Variants in SLC39A11 observed in about 807,000 individuals in gnomAD.
SLC39A11 encodes the protein zinc transporter ZIP11.
Under a neutral mutation model 36.1 loss-of-function variants are expected in SLC39A11, and 33 were observed. That is an observed-to-expected ratio of 0.91 (90% CI 0.69 to 1.22). SLC39A11 has a LOEUF of 1.22. Among genes scored for constraint, SLC39A11 ranks in the 50% most tolerant of loss-of-function variants. The pLI, the probability that SLC39A11 is intolerant of heterozygous loss-of-function variation, is 0.00. For synonymous variants in SLC39A11, 166 were observed against 170.3 expected (o/e 0.97, Z 0.20); for missense variants, 432 against 430.3 (o/e 1.00, Z -0.03).
intron 4 of SLC39A11, among the ~76,000 whole-genome samples, chr17:73,018,438 C>T (rs1242095529): frequency 6.6e-6 from 1 of 152,028 alleles, no homozygotes; most frequent in East Asian, 1.9e-4. Context: ...ATCTCAGCTA[C>T]TCAGAAAGCT....
chr17:72,798,104 A>T (rs925360962), intron 6 of SLC39A11, among the ~76,000 whole-genome samples: 1 of 152,096 alleles, frequency 6.6e-6, no homozygotes, highest in Non-Finnish European at 1.5e-5. Flanking sequence ...GTGTATCACT[A>T]GGAGAAGTAG....
chr17:72,978,701 G>A (rs1437351430), intron 4 of SLC39A11, among the ~76,000 whole-genome samples: 2 of 152,172 alleles, frequency 1.3e-5, no homozygotes, highest in Non-Finnish European at 1.5e-5. Flanking sequence ...GCCAGGTTCT[G>A]GGACAGAGAC....
At chr17:73,011,908 C>A (rs1432562338) in intron 4 of SLC39A11, among the ~76,000 whole-genome samples, 1 of 150,966 alleles carries the variant, frequency 6.6e-6, no homozygotes, top group Non-Finnish European at 1.5e-5. Flanking sequence ...GTGATCCACA[C>A]GCCTCGGCCT....
chr17:72,745,675 T>C (rs1287294314), intron 6 of SLC39A11, among the ~76,000 whole-genome samples: 3 of 152,218 alleles, frequency 2.0e-5, no homozygotes, highest in Non-Finnish European at 4.4e-5. Context: ...ATCTCTCTGT[T>C]CCACGCCATT....
chr17:73,065,561 T>C (rs2059974255), intron 3 of SLC39A11, among the ~76,000 whole-genome samples: 2 of 152,066 alleles, frequency 1.3e-5, no homozygotes, highest in African/African-American at 4.8e-5. Flanking sequence ...CAGGAATCCT[T>C]CCCCCGAGCA....
At chr17:73,060,592 GGATTCTCTTGCTGGGCCCTGA>G (rs1238177684) in intron 3 of SLC39A11, among the ~76,000 whole-genome samples, 3 of 151,986 alleles carry the variant, frequency 2.0e-5, no homozygotes, top group Non-Finnish European at 4.4e-5. Context: ...ATTAACTTTG[GGATTCTCTTGCTGGGCCCTGA>G]GAAAGCCTCA....
intron 3 of SLC39A11, among the ~76,000 whole-genome samples, chr17:73,034,311 C>T (rs1407127140): frequency 1.3e-5 from 2 of 152,156 alleles, no homozygotes; most frequent in Non-Finnish European, 2.9e-5. Context: ...CAACCTCTGC[C>T]TCCCAGGTTC....
At chr17:72,720,982 C>T (rs2567508) in intron 7 of SLC39A11, among the ~76,000 whole-genome samples, 1,888 of 152,182 alleles carry the variant, frequency 0.012, 47 homozygotes, top group African/African-American at 0.043. Context: ...CACTTAGCTT[C>T]TCCTCCTGCC....
At chr17:72,915,058 G>A (rs934943320) in intron 5 of SLC39A11, among the ~76,000 whole-genome samples, 17 of 152,118 alleles carry the variant, frequency 1.1e-4, no homozygotes, top group African/African-American at 2.2e-4. Context: ...TGTCCTGACC[G>A]GAGCCTCCCG....
At chr17:72,949,144 C>CTTGTTTTTTTTT (rs2085661941) in intron 4 of SLC39A11, among the ~76,000 whole-genome samples, 2 of 36,510 alleles carry the variant, frequency 5.5e-5, no homozygotes, top group Admixed American at 5.5e-4. Flanking sequence ...CACTGGGCAG[C>CTTGTTTTTTTTT]TTTTTTTTTT....
At chr17:73,056,757 A>G (rs2059682790) in intron 3 of SLC39A11, among the ~76,000 whole-genome samples, 1 of 152,086 alleles carries the variant, frequency 6.6e-6, no homozygotes, top group African/African-American at 2.4e-5. Context: ...CTATCCTCCT[A>G]TCTACTCCTC....
intron 5 of SLC39A11, among the ~76,000 whole-genome samples, chr17:72,871,299 C>G: frequency 6.6e-6 from 1 of 151,998 alleles, no homozygotes; most frequent in Admixed American, 6.6e-5. Context: ...TGAGCTCAGG[C>G]AATCCACCCA....
intron 6 of SLC39A11, among the ~76,000 whole-genome samples, chr17:72,781,446 C>A (rs531544715): frequency 6.7e-6 from 1 of 149,076 alleles, no homozygotes; most frequent in East Asian, 2.0e-4. Flanking sequence ...TTTTTTGAGA[C>A]GGAGTCTCGC....
At chr17:72,736,397 T>C (rs559499813) in intron 7 of SLC39A11, among the ~76,000 whole-genome samples, 71 of 152,298 alleles carry the variant, frequency 4.7e-4, no homozygotes, top group Non-Finnish European at 7.8e-4. Context: ...AGAGTACAGC[T>C]TGCGATTCTA....
chr17:73,000,166 C>T (rs990332410), intron 4 of SLC39A11, among the ~76,000 whole-genome samples: 2 of 152,126 alleles, frequency 1.3e-5, no homozygotes, highest in African/African-American at 4.8e-5. Flanking sequence ...CCAGATGCAC[C>T]GGGATAGTCA....
chr17:72,880,321 C>T (rs28496993), intron 5 of SLC39A11, among the ~76,000 whole-genome samples: 13 of 152,188 alleles, frequency 8.5e-5, no homozygotes, highest in African/African-American at 2.9e-4. Flanking sequence ...GTAATCCCAA[C>T]ACTTTGGGAG....
chr17:73,088,417 A>T lies in SLC39A11; in HGVS notation c.108+240T>A, dbSNP rs2060811036. 2.0e-5 allele frequency among the ~76,000 whole-genome samples: 3 copies of T among 152,198 alleles called. No homozygotes were observed. The South Asian group carries it at 6.2e-4, about 32-fold the overall frequency. On this transcript the variant is annotated intron_variant, in intron 2 of 9. Coordinates refer to ENST00000255559, the MANE Select transcript of SLC39A11 (RefSeq NM_139177.4). Reference sequence around the variant, plus strand: ...CTATTCCCTTCAAGTCAGGCTGTCAAGGGTCAAGAGGGGAGATGATGGTGC... The same window carrying T: ...CTATTCCCTTCAAGTCAGGCTGTCATGGGTCAAGAGGGGAGATGATGGTGC...
chr17:72,925,161 C>T (rs2083967593), intron 5 of SLC39A11, among the ~76,000 whole-genome samples: 1 of 152,078 alleles, frequency 6.6e-6, no homozygotes, highest in African/African-American at 2.4e-5. Flanking sequence ...AATACAAGTG[C>T]TCACTGGGGT....
chr17:72,854,806 C>T (rs745638291), intron 5 of SLC39A11, among the ~76,000 whole-genome samples: 5 of 152,170 alleles, frequency 3.3e-5, no homozygotes, highest in Admixed American at 1.3e-4. Context: ...AGGGTGAGGA[C>T]GACAATAAAA....
Sources: allele counts gnomAD v4.1 joint callset (sites outside exome capture counted in the v4.1 genomes callset), GRCh38; gene constraint gnomAD v4.1.1; transcripts MANE v1.5; gene names NCBI Gene and HGNC (gene_info 2026-07-23, HGNC 2026-07-21).